MYPN: variants seen among roughly 807,000 people sequenced by gnomAD.
MYPN encodes the protein myopalladin, also known as sarcomeric protein myopalladin, 145 kDa (MYOP).
In MYPN, 63 loss-of-function variants were observed where a neutral mutation model predicts 129.4. The observed-to-expected ratio is 0.49, with a 90% CI of 0.40 to 0.60. The LOEUF (loss-of-function observed/expected upper bound fraction) is 0.60. MYPN is among the 20% of genes least tolerant of loss of function. The pLI is 0.00. For synonymous variants in MYPN, 629 were observed against 600.9 expected (o/e 1.05, Z -0.68); for missense variants, 1,596 against 1,635.4 (o/e 0.98, Z 0.42).
chr10:68,173,313 G>A (rs903744496), intron 10 of MYPN, among the ~76,000 whole-genome samples: 2 of 152,164 alleles, frequency 1.3e-5, no homozygotes, highest in African/African-American at 4.8e-5. Flanking sequence ...ACTCACACTG[G>A]CATGTAGCTC....
intron 7 of MYPN, among the ~76,000 whole-genome samples, chr10:68,160,998 G>C (rs28538602): frequency 6.6e-6 from 1 of 152,204 alleles, no homozygotes; most frequent in Non-Finnish European, 1.5e-5. Context: ...AGGAGGTATA[G>C]TGTATATTTT....
chr10:68,191,059 T>G (rs1170356311), intron 13 of MYPN, among the ~76,000 whole-genome samples: 1 of 152,158 alleles, frequency 6.6e-6, no homozygotes, highest in Non-Finnish European at 1.5e-5. Flanking sequence ...TCTATTTTTT[T>G]GCGAGTACCA....
chr10:68,097,694 C>T (rs992274611), intron 1 of MYPN, among the ~76,000 whole-genome samples: 3 of 151,894 alleles, frequency 2.0e-5, no homozygotes, highest in African/African-American at 7.3e-5. Flanking sequence ...AGTTGGAATA[C>T]AGCTCTAAAT....
intron 1 of MYPN, among the ~76,000 whole-genome samples, chr10:68,115,365 C>A (rs1373939906): frequency 6.6e-6 from 1 of 152,110 alleles, no homozygotes; most frequent in Non-Finnish European, 1.5e-5. Flanking sequence ...TGCCTCATCC[C>A]AGCAAATGAT....
At chr10:68,200,053 C>T (rs1330958547) in intron 17 of MYPN, among the ~76,000 whole-genome samples, 2 of 152,188 alleles carry the variant, frequency 1.3e-5, no homozygotes, top group Non-Finnish European at 2.9e-5. Context: ...ATCCACCAGG[C>T]ACAAATACCC....
At chr10:68,182,452 C>CACATATATATAACATATATATAACAT (rs1564687254) in intron 12 of MYPN, among the ~76,000 whole-genome samples, 53 of 116,220 alleles carry the variant, frequency 4.6e-4, no homozygotes, top group African/African-American at 1.7e-3. Context: ...ATATATATAA[C>CACATATATATAACATATATATAACAT]ATATATATAT....
intron 12 of MYPN, among the ~76,000 whole-genome samples, chr10:68,182,425 T>A (rs574270583): frequency 9.9e-6 from 1 of 100,842 alleles, no homozygotes; most frequent in Non-Finnish European, 2.2e-5. Flanking sequence ...AACATATATA[T>A]AACACATATA....
chr10:68,136,406 G>C (rs756064018), intron 2 of MYPN: 4 of 861,084 alleles, frequency 4.6e-6, no homozygotes, highest in African/African-American at 1.7e-5. Context: ...ACATGCCACC[G>C]GTCAGGGCAT....
intron 1 of MYPN, among the ~76,000 whole-genome samples, chr10:68,112,568 C>T (rs906822925): frequency 6.6e-6 from 1 of 152,166 alleles, no homozygotes; most frequent in African/African-American, 2.4e-5. Flanking sequence ...CATTAATTCC[C>T]TGATGGATCA....
chr10:68,094,826 C>G (rs991602551), intron 1 of MYPN, among the ~76,000 whole-genome samples: 7 of 151,996 alleles, frequency 4.6e-5, no homozygotes, highest in Non-Finnish European at 1.0e-4. Flanking sequence ...CTTTGGGAGG[C>G]CAAGGTGGGC....
At position 68,169,864 on chromosome 10, in the gene MYPN, C is replaced by T. The variant is rs139051667; in HGVS notation, c.1973+3198C>T. On this transcript the variant is annotated intron_variant, in intron 10 of 19. Coordinates refer to ENST00000358913, the MANE Select transcript of MYPN (RefSeq NM_032578.4). ...AAGCAATCCTCCTGCCTCAGCCTCCCGAGTACCTGTGATTACAGGTGCACA... is the reference window on the plus strand; with the variant it reads ...AAGCAATCCTCCTGCCTCAGCCTCCTGAGTACCTGTGATTACAGGTGCACA... Among the ~76,000 whole-genome samples the T allele has an allele frequency of 2.4e-3, 364 of 152,098 alleles. 4 individuals carry two copies. Among genetic ancestry groups the T allele is most frequent in the African/African-American group, 8.5e-3 (351 of 41,484 alleles).
At position 68,174,316 on chromosome 10, in the gene MYPN, T is replaced by C; in HGVS notation, c.2224T>C (p.Ser742Pro). Residue 742 changes from serine to proline, a missense_variant, in exon 11 of 20, where the codon TCT becomes CCT. Transcript: ENST00000358913. ...TTAATVAPSS[S>P]PVFTLSSTPQ... Reference sequence around the variant, plus strand: ...CGCAGCAACTGTGGCCCCTTCCAGCTCTCCGGTGTTCACTTTGAGCAGCAC... The same window carrying C: ...CGCAGCAACTGTGGCCCCTTCCAGCCCTCCGGTGTTCACTTTGAGCAGCAC... The C allele has an allele frequency of 6.2e-7, 1 of 1,614,076 alleles. No homozygotes were observed. The highest frequency in any genetic ancestry group is 8.5e-7 in the Non-Finnish European group (1 of 1,180,028).
rs998325859 is a variant in MYPN, at chr10:68,174,417, A to G, written c.2325A>G (p.Pro775=). Residue 775 remains proline (P), a synonymous_variant, in exon 11 of 20, where the codon CCA becomes CCG. Transcript: ENST00000358913. ...VSHPSVQTKS[P]GGLSIQNEPL... is the part of the protein sequence containing the mutation. ...ACCCCTCTGTGCAAACCAAATCTCC[A>G]GGAGGGCTTTCCATCCAAAATGAGC... is the stretch of plus-strand genomic sequence containing the variant. 2 of 1,614,120 alleles carry G rather than the reference A, an allele frequency of 1.2e-6. No individual in the cohort carries two copies. The highest frequency in any genetic ancestry group is 1.1e-5 in the South Asian group (1 of 91,076).
At chr10:68,182,397 TATATAACAC>T (rs2043340921) in intron 12 of MYPN, among the ~76,000 whole-genome samples, 2 of 101,864 alleles carry the variant, frequency 2.0e-5, no homozygotes, top group Non-Finnish European at 4.3e-5. Flanking sequence ...ATATAACATA[TATATAACAC>T]ATATATATAA....
chr10:68,210,039 T>C (rs1432662889), intron 19 of MYPN, among the ~76,000 whole-genome samples: 2 of 152,200 alleles, frequency 1.3e-5, no homozygotes, highest in African/African-American at 4.8e-5. Context: ...TTCTAATCTC[T>C]TACTGAATTA....
intron 1 of MYPN, among the ~76,000 whole-genome samples, chr10:68,097,859 GT>G (rs2041963952): frequency 6.6e-6 from 1 of 151,620 alleles, no homozygotes. Context: ...TTCAGTACTA[GT>G]TTTTAAGTAC....
intron 18 of MYPN, among the ~76,000 whole-genome samples, chr10:68,202,524 C>T (rs1225566284): frequency 6.6e-6 from 1 of 152,096 alleles, no homozygotes; most frequent in Non-Finnish European, 1.5e-5. Context: ...CCCAGAAAAG[C>T]TCTTTGAAGT....
upstream of MYPN, among the ~76,000 whole-genome samples, chr10:68,102,836 T>A (rs547458722): frequency 6.6e-6 from 1 of 152,234 alleles, no homozygotes; most frequent in Non-Finnish European, 1.5e-5. Context: ...TTATCCCCAT[T>A]GTGAAAAATT....
At chr10:68,201,803 A>G (rs1384223122) in intron 17 of MYPN, 26 bp from the exon 18 acceptor site, 4 of 1,611,738 alleles carry the variant, frequency 2.5e-6, no homozygotes, top group East Asian at 4.5e-5. Context: ...AAGAAAGAAA[A>G]AAAGAATGAC....
Sources: gnomAD v4.1 joint callset for allele counts (sites outside exome capture counted in the v4.1 genomes callset) on GRCh38, gnomAD v4.1.1 for gene constraint, MANE v1.5 for transcripts, NCBI Gene and HGNC (gene_info 2026-07-23, HGNC 2026-07-21) for gene names.